The following SLC25A19 variants were observed in gnomAD, a reference collection of about 807,000 sequenced individuals.
SLC25A19 encodes solute carrier family 25 member 19, also known as mitochondrial thiamine pyrophosphate carrier.
Under a neutral mutation model 27.9 loss-of-function variants are expected in SLC25A19, and 18 were observed. The ratio of observed to expected loss-of-function variants is 0.64; its 90% CI spans 0.45 to 0.96. The LOEUF (loss-of-function observed/expected upper bound fraction) is 0.96, where lower values mean the gene tolerates loss of function less well. Ranked by LOEUF, SLC25A19 falls within the 40% of genes least tolerant of loss-of-function variation. The pLI is 0.00. For missense variants in SLC25A19, 371 were observed against 418.3 expected, an observed-to-expected ratio of 0.89 and a Z score of 0.99; for synonymous variants, 169 against 167.1, an observed-to-expected ratio of 1.01 and a Z score of -0.09.
At chr17:75,273,692 A>C in intron 7 of SLC25A19, 53 bp from the exon 8 acceptor site, 1 of 1,517,674 alleles carries the variant, frequency 6.6e-7, no homozygotes, top group East Asian at 2.3e-5. Context: ...TCCCATCAAC[A>C]CAGCCCCTGG....
chr17:75,278,058 T>A, intron 6 of SLC25A19, 94 bp downstream of exon 6: 2 of 1,404,514 alleles, frequency 1.4e-6, no homozygotes. Flanking sequence ...GGTCTTTGAT[T>A]CGGACAGGAG....
rs1440858024 is a variant in SLC25A19 at position 75,273,082 on chromosome 17, C to T, written c.*369G>A. ...CCTGCAAAGGGCCTACCGCAGCCCT[C>T]TGCACTCAAGCAGCAGCCCCATCCA... On this transcript the variant is annotated 3_prime_UTR_variant, in exon 8 of 8. Transcript: ENST00000416858. 4 of 354,784 alleles carry T rather than the reference C, an allele frequency of 1.1e-5. No homozygotes were observed. Among genetic ancestry groups the T allele is most frequent in the African/African-American group, 2.1e-5 (1 of 47,486 alleles). The allele number at this position is 354,784 out of a possible 1,614,324, so 22.0% of individuals were successfully genotyped here.
chr17:75,282,989 AAAAT>A (rs1271023903), intron 5 of SLC25A19, among the ~76,000 whole-genome samples: 2 of 150,570 alleles, frequency 1.3e-5, no homozygotes. Flanking sequence ...ACTCTGTCTC[AAAAT>A]AAATAAATAA....
At chr17:75,286,179 T>A in intron 4 of SLC25A19, 125 bp downstream of exon 4, 1 of 1,185,268 alleles carries the variant, frequency 8.4e-7, no homozygotes, top group Non-Finnish European at 1.2e-6. Flanking sequence ...GTGAGGCAGG[T>A]GGGAAGCGTG....
At chr17:75,284,335 G>A (rs543323992) in intron 4 of SLC25A19, among the ~76,000 whole-genome samples, 17 of 152,298 alleles carry the variant, frequency 1.1e-4, no homozygotes, top group Non-Finnish European at 1.8e-4. Context: ...CCCAGGAGGC[G>A]GAGGTTGCAG....
intron 7 of SLC25A19, 113 bp downstream of exon 7, chr17:75,277,240 G>T: frequency 1.4e-6 from 2 of 1,389,158 alleles, no homozygotes; most frequent in Admixed American, 1.9e-5. Context: ...CGCAGGTGAA[G>T]GGGCCATGGC....
intron 5 of SLC25A19, among the ~76,000 whole-genome samples, chr17:75,280,038 C>T (rs180801515): frequency 7.5e-6 from 1 of 134,000 alleles, no homozygotes; most frequent in East Asian, 1.9e-4. Context: ...TTCCCACTAA[C>T]AGTATCCTAA....
At chr17:75,286,261 G>GC in intron 4 of SLC25A19, 43 bp downstream of exon 4, 1 of 1,608,788 alleles carries the variant, frequency 6.2e-7, no homozygotes, top group Non-Finnish European at 8.5e-7. Flanking sequence ...CCTCCACTGA[G>GC]CAACGTGACC....
At chr17:75,280,056 T>G (rs2078001040) in intron 5 of SLC25A19, among the ~76,000 whole-genome samples, 1 of 148,442 alleles carries the variant, frequency 6.7e-6, no homozygotes, top group African/African-American at 2.5e-5. Context: ...TAAAGCAGAG[T>G]TGAGACAGTG....
In SLC25A19 at chr17:75,285,699, C is replaced by CA. The variant is rs1028348055; in HGVS notation, c.288+604dup. 4.2e-4 allele frequency among the ~76,000 whole-genome samples: 64 copies of CA among 152,348 alleles called. 1 individual carries two copies. Among genetic ancestry groups the CA allele is most frequent in the African/African-American group, 1.5e-3 (61 of 41,576 alleles). ...CTCATGCATGACATGGGAGGGACAA[C>CA]AGCCCCTACCTTAAGGACTGCTGTG... On this transcript the variant is annotated intron_variant, in intron 4 of 7. Coordinates refer to ENST00000416858, the MANE Select transcript of SLC25A19 (RefSeq NM_001126121.2).
At chr17:75,284,585 C>A (rs562276548) in intron 4 of SLC25A19, among the ~76,000 whole-genome samples, 1 of 146,262 alleles carries the variant, frequency 6.8e-6, no homozygotes, top group Admixed American at 6.9e-5. Context: ...GGGGCAGATT[C>A]TTTTGGGAGC....
At chr17:75,275,928 G>A (rs1161445673) in intron 7 of SLC25A19, among the ~76,000 whole-genome samples, 5 of 151,896 alleles carry the variant, frequency 3.3e-5, no homozygotes, top group East Asian at 1.9e-4. Context: ...CCAAGATCAC[G>A]CCACTGCACT....
chr17:75,287,521 GA>G (rs1324339858), intron 2 of SLC25A19: 1 of 152,256 alleles, frequency 6.6e-6, no homozygotes, highest in African/African-American at 2.4e-5. Flanking sequence ...CCGGTTCCTG[GA>G]ATAGAGCCCA....
intron 7 of SLC25A19, among the ~76,000 whole-genome samples, chr17:75,276,156 T>C (rs1156485165): frequency 6.7e-6 from 1 of 149,924 alleles, no homozygotes; most frequent in Non-Finnish European, 1.5e-5. Context: ...GCGCTTGTAA[T>C]CCCAGCTACT....
chr17:75,283,886 C>T (rs1254916849), intron 4 of SLC25A19, among the ~76,000 whole-genome samples: 3 of 151,962 alleles, frequency 2.0e-5, no homozygotes, highest in Non-Finnish European at 2.9e-5. Context: ...GGGGCCGAGG[C>T]GGGCAGATCA....
At chr17:75,288,310 A>G (rs1027479047) in intron 2 of SLC25A19, 192 bp downstream of exon 2, 1 of 151,782 alleles carries the variant, frequency 6.6e-6, no homozygotes, top group Non-Finnish European at 1.5e-5. Context: ...CTCGGGGAGC[A>G]CTCCTATCAA....
intron 2 of SLC25A19, chr17:75,287,018 C>A (rs2078201019): frequency 2.1e-6 from 1 of 473,198 alleles, no homozygotes; most frequent in Admixed American, 3.3e-5. Context: ...CTGGGCAACA[C>A]TGCAAAACCC....
At chr17:75,279,794 A>T (rs1165070717) in intron 5 of SLC25A19, among the ~76,000 whole-genome samples, 2 of 152,190 alleles carry the variant, frequency 1.3e-5, no homozygotes, top group Non-Finnish European at 1.5e-5. Context: ...GGCGAGAGCC[A>T]TCGCGCCCAG....
At chr17:75,275,840 C>T (rs1011530565) in intron 7 of SLC25A19, among the ~76,000 whole-genome samples, 2 of 151,810 alleles carry the variant, frequency 1.3e-5, no homozygotes, top group East Asian at 1.9e-4. Context: ...GACATGGTGG[C>T]GGGCGCCTGT....
Sources: gnomAD v4.1 joint callset for allele counts (sites outside exome capture counted in the v4.1 genomes callset) on GRCh38, gnomAD v4.1.1 for gene constraint, MANE v1.5 for transcripts, NCBI Gene and HGNC (gene_info 2026-07-23, HGNC 2026-07-21) for gene names.